Variants in TMCO6 observed in about 807,000 individuals in gnomAD.
The protein encoded by TMCO6 is transmembrane and coiled-coil domains 6.
TMCO6 carries 47 observed loss-of-function variants against 61.8 expected under a neutral mutation model. That is an observed-to-expected ratio of 0.76 (90% CI 0.60 to 0.97). The LOEUF is 0.97. TMCO6 is among the 50% of genes least tolerant of loss of function. The pLI is 0.00. For synonymous variants in TMCO6, 261 were observed against 254.2 expected (o/e 1.03, Z -0.25); for missense variants, 557 against 601.6 (o/e 0.93, Z 0.78).
upstream of TMCO6, among the ~76,000 whole-genome samples, chr5:140,636,890 A>T (rs1424794038): frequency 6.6e-6 from 1 of 152,148 alleles, no homozygotes; most frequent in East Asian, 1.9e-4. Flanking sequence ...TTCCTGTAAA[A>T]ATTCTTAGGT....
chr5:140,643,750 T>C, intron 8 of TMCO6, 30 bp from the exon 9 acceptor site: 1 of 1,611,012 alleles, frequency 6.2e-7, no homozygotes, highest in African/African-American at 1.3e-5. Context: ...TCTTCCTTCT[T>C]ACACCTGACC....
the TMCO6 span, among the ~76,000 whole-genome samples, chr5:140,613,566 A>C: frequency 6.6e-6 from 1 of 151,792 alleles, no homozygotes; most frequent in African/African-American, 2.4e-5. Context: ...TTTACACTAA[A>C]ACTAATCCCT....
At chr5:140,640,810 C>G (rs898883178) in intron 2 of TMCO6, among the ~76,000 whole-genome samples, 1 of 152,162 alleles carries the variant, frequency 6.6e-6, no homozygotes, top group Non-Finnish European at 1.5e-5. Flanking sequence ...CATTGAAAAC[C>G]CGGTTGCCTG....
the TMCO6 span, chr5:140,631,851 G>A: frequency 6.5e-7 from 1 of 1,543,656 alleles, no homozygotes; most frequent in Non-Finnish European, 8.8e-7. Flanking sequence ...ATTCTGTCTT[G>A]GATCTTAGGC....
chr5:140,596,820 G>A, the TMCO6 span, among the ~76,000 whole-genome samples: 1 of 152,172 alleles, frequency 6.6e-6, no homozygotes. Flanking sequence ...ATCTACCTTG[G>A]TAACTTTCCT....
chr5:140,639,404 C>G (rs1035519954), upstream of TMCO6: 13 of 995,860 alleles, frequency 1.3e-5, no homozygotes, highest in South Asian at 7.8e-5. Context: ...GCACCCACCC[C>G]GCTCCTCGCG....
At chr5:140,609,685 A>G in the TMCO6 span, among the ~76,000 whole-genome samples, 1 of 150,974 alleles carries the variant, frequency 6.6e-6, no homozygotes, top group Non-Finnish European at 1.5e-5. Context: ...TAGGTGAATT[A>G]GGGGAGAATT....
chr5:140,603,046 G>A, the TMCO6 span, among the ~76,000 whole-genome samples: 1 of 151,826 alleles, frequency 6.6e-6, no homozygotes, highest in African/African-American at 2.4e-5. Flanking sequence ...AAAAGTGTAT[G>A]ATTCAGTGGT....
the TMCO6 span, among the ~76,000 whole-genome samples, chr5:140,616,863 T>G: frequency 9.7e-6 from 1 of 102,852 alleles, no homozygotes; most frequent in Admixed American, 9.4e-5. Context: ...CTGGGTAACA[T>G]GATGAACTCT....
the TMCO6 span, among the ~76,000 whole-genome samples, chr5:140,617,715 C>T: frequency 7.6e-6 from 1 of 131,892 alleles, no homozygotes. Flanking sequence ...GCCTGGGCAA[C>T]AGAGTGAGTC....
rs1757207807 is a variant in TMCO6 at position 140,643,866 on chromosome 5, T to A, written c.1005T>A (p.Asp335Glu). 6.2e-7 allele frequency: 1 copy of A among 1,614,234 alleles called. No individual in the cohort carries two copies. Among genetic ancestry groups the A allele is most frequent in the African/African-American group, 1.3e-5 (1 of 75,052 alleles). Residue 335 changes from aspartate to glutamate, a missense_variant, in exon 9 of 12, where the codon GAT becomes GAA. Asp to Glu is a conservative substitution (Grantham distance 45, BLOSUM62 2). Coordinates refer to ENST00000394671, the MANE Select transcript of TMCO6 (RefSeq NM_018502.5). Reference sequence around the variant, plus strand: ...TGGGAGGGCAAATGCAGCTCAGAGATGAGCGTGTTGTGGCAGCCTTATTTA... The same window carrying A: ...TGGGAGGGCAAATGCAGCTCAGAGAAGAGCGTGTTGTGGCAGCCTTATTTA... ...ETVGGQMQLR[D>E]ERVVAALFIL... is the part of the protein sequence containing the mutation.
chr5:140,632,231 G>C, the TMCO6 span: 2 of 1,613,390 alleles, frequency 1.2e-6, no homozygotes, highest in South Asian at 2.2e-5. This position sits in a 1 kb window ranked among gnomAD's most constrained non-coding sequence, Gnocchi z 6.2. Context: ...CTAGGCTGTG[G>C]GGCTGCACAC....
the TMCO6 span, among the ~76,000 whole-genome samples, chr5:140,605,511 T>A: frequency 6.6e-6 from 1 of 151,688 alleles, no homozygotes; most frequent in Non-Finnish European, 1.5e-5. Context: ...GAAACCCCAT[T>A]TCTACTAAAA....
rs1561949777 is a variant in TMCO6, at chr5:140,642,318, CTG to C, written c.506_507del (p.Cys169SerfsTer6). On this transcript the variant is annotated frameshift_variant, in exon 5 of 12. Coordinates refer to ENST00000394671, the MANE Select transcript of TMCO6 (RefSeq NM_018502.5). LOFTEE classifies it high-confidence loss of function. ...TGCTTTTGTTGCCTGTTCTCAGGAG[CTG>C]TGTCTGTATACACTGGGTAACCTGA... Reference protein sequence around the residue: ...LSSHSSDFIELCLYTLGNLIV... With the variant: ...LSSHSSDFIEXCLYTLGNLIV... 7 of 1,610,208 alleles carry C rather than the reference CTG, an allele frequency of 4.3e-6. No homozygotes were observed. Among genetic ancestry groups the C allele is most frequent in the Non-Finnish European group, 5.9e-6 (7 of 1,177,980 alleles).
intron 3 of TMCO6, 21 bp from the exon 4 acceptor site, chr5:140,641,849 C>T (rs752577136): frequency 1.2e-6 from 2 of 1,613,742 alleles, no homozygotes; most frequent in African/African-American, 1.3e-5. Flanking sequence ...CTAAGCAGGG[C>T]TCTGGTACTC....
chr5:140,608,171 T>A, the TMCO6 span, among the ~76,000 whole-genome samples: 4 of 152,224 alleles, frequency 2.6e-5, no homozygotes, highest in Non-Finnish European at 5.9e-5. Context: ...TCATTTATTA[T>A]AATTTCTTTG....
the TMCO6 span, among the ~76,000 whole-genome samples, chr5:140,623,002 G>A: frequency 6.6e-6 from 1 of 152,166 alleles, no homozygotes; most frequent in African/African-American, 2.4e-5. Flanking sequence ...ACAAGCATGA[G>A]CCACCATGTC....
chr5:140,632,852 G>T, the TMCO6 span: 1 of 1,614,144 alleles, frequency 6.2e-7, no homozygotes. The surrounding 1 kb of genome is among the most constrained non-coding windows in gnomAD (Gnocchi z 6.2). Context: ...CTTCGGACCA[G>T]TCGGGCTGAG....
At chr5:140,614,285 T>C in the TMCO6 span, among the ~76,000 whole-genome samples, 1 of 151,950 alleles carries the variant, frequency 6.6e-6, no homozygotes, top group Non-Finnish European at 1.5e-5. Flanking sequence ...GAGGAGGGCA[T>C]ATAACCTGAG....
Sources: gnomAD v4.1 joint callset for allele counts (sites outside exome capture counted in the v4.1 genomes callset) on GRCh38, gnomAD v4.1.1 for gene constraint, Gnocchi (gnomAD v3.1) non-coding constraint, MANE v1.5 for transcripts, NCBI Gene and HGNC (gene_info 2026-07-23, HGNC 2026-07-21) for gene names.